The following GHR variants were observed in gnomAD, a reference collection of about 807,000 sequenced individuals.
The protein encoded by GHR is GH receptor.
In GHR, 35 loss-of-function variants were observed where a neutral mutation model predicts 67.1. The observed-to-expected ratio is 0.52, with a 90% CI of 0.40 to 0.69. The LOEUF (loss-of-function observed/expected upper bound fraction) is 0.69. GHR is among the 30% of genes least tolerant of loss of function. The pLI, the probability that GHR is intolerant of heterozygous loss-of-function variation, is 0.00. For missense variants in GHR, 792 were observed against 764.6 expected (o/e 1.04, Z -0.42); for synonymous variants, 272 against 269.1 (o/e 1.01, Z -0.10).
At chr5:42,584,963 T>C (rs1373722473) in intron 2 of GHR, among the ~76,000 whole-genome samples, 1 of 152,212 alleles carries the variant, frequency 6.6e-6, no homozygotes, top group Non-Finnish European at 1.5e-5. Flanking sequence ...GGATCTGGAT[T>C]CCAGTTCCCT....
intron 2 of GHR, among the ~76,000 whole-genome samples, chr5:42,591,253 C>A (rs1022814022): frequency 2.0e-5 from 3 of 152,174 alleles, no homozygotes; most frequent in African/African-American, 7.2e-5. Flanking sequence ...AGAAATGGGG[C>A]AGACGCTTTT....
chr5:42,480,324 G>A (rs1579786276), intron 1 of GHR, among the ~76,000 whole-genome samples: 2 of 152,156 alleles, frequency 1.3e-5, no homozygotes, highest in East Asian at 3.8e-4. Context: ...GTCAATTTTG[G>A]AATAGGTGTG....
In GHR at chr5:42,718,900, G is replaced by A. The variant is rs34283856; in HGVS notation, c.1393G>A (p.Glu465Lys). 6.2e-7 allele frequency: 1 copy of A among 1,614,134 alleles called. No homozygotes were observed. ...ACAACCACTTCCTACTGAAGGAGCT[G>A]AGTCAACTCACCAAGCTGCCCATAT... is the stretch of plus-strand genomic sequence containing the variant. ...KPQPLPTEGA[E>K]STHQAAHIQL... is the part of the protein sequence containing the mutation. Residue 465 changes from glutamate (E) to lysine (K), a missense_variant, in exon 10 of 10, where the codon GAG (glutamate) becomes AAG (lysine). Physicochemically the swap from Glu to Lys is moderately conservative, Grantham distance 56. Coordinates refer to ENST00000230882, the MANE Select transcript of GHR (RefSeq NM_000163.5).
chr5:42,469,092 T>C (rs1016809376), intron 1 of GHR, among the ~76,000 whole-genome samples: 2 of 152,230 alleles, frequency 1.3e-5, no homozygotes, highest in Non-Finnish European at 2.9e-5. Flanking sequence ...ATAATACTAT[T>C]GTAGAAAGAA....
At chr5:42,522,952 A>T (rs1057270104) in intron 1 of GHR, among the ~76,000 whole-genome samples, 1 of 152,204 alleles carries the variant, frequency 6.6e-6, no homozygotes, top group Non-Finnish European at 1.5e-5. Flanking sequence ...TCTTGCTTCA[A>T]AGTCTTAGAT....
intron 1 of GHR, among the ~76,000 whole-genome samples, chr5:42,473,936 C>T (rs1179260427): frequency 1.3e-5 from 2 of 151,176 alleles, no homozygotes; most frequent in East Asian, 2.0e-4. Context: ...GCCTGTAATC[C>T]TAGCACTTTG....
rs562264446 is a variant in GHR, at chr5:42,441,512, G to A, written c.-12+17557G>A. On this transcript the variant is annotated intron_variant, in intron 1 of 9. Transcript: ENST00000230882. The stretch of plus-strand genomic sequence containing the variant: ...AGAGGAGGAAATGGAGTTAAAGGAG[G>A]AGTTTTTTTTTTTTTGAGACGGAGT... Among the ~76,000 whole-genome samples, 245 of 144,472 alleles carry A rather than the reference G, an allele frequency of 1.7e-3. 2 individuals are homozygous for A. Among genetic ancestry groups the A allele is most frequent in the Non-Finnish European group, 1.4e-3 (90 of 65,354 alleles). 94.8% of individuals were successfully genotyped at this position (144,472 alleles called of 152,430 possible). A position where few individuals can be genotyped will look rare whatever the true frequency, so the allele number is the denominator to read the frequency against.
At chr5:42,684,830 C>G (rs2111622231) in intron 3 of GHR, among the ~76,000 whole-genome samples, 1 of 152,296 alleles carries the variant, frequency 6.6e-6, no homozygotes, top group East Asian at 1.9e-4. Flanking sequence ...GGGCTAAAGA[C>G]ATATTTGCAA....
intron 3 of GHR, among the ~76,000 whole-genome samples, chr5:42,681,587 A>T (rs538830545): frequency 4.4e-4 from 67 of 152,284 alleles, no homozygotes; most frequent in African/African-American, 1.5e-3. Context: ...ATACCATATG[A>T]CCCAGTGATC....
chr5:42,642,958 C>G (rs1331421275), intron 3 of GHR, among the ~76,000 whole-genome samples: 1 of 152,164 alleles, frequency 6.6e-6, no homozygotes, highest in Non-Finnish European at 1.5e-5. Flanking sequence ...TCCTTTCTGT[C>G]TCTTTTAAGG....
intron 3 of GHR, among the ~76,000 whole-genome samples, chr5:42,636,823 T>C (rs188795290): frequency 6.6e-6 from 1 of 152,282 alleles, no homozygotes. Context: ...AAATAGTAGT[T>C]CAAGTAATTG....
chr5:42,576,127 A>G (rs370464994), intron 2 of GHR, among the ~76,000 whole-genome samples: 3,915 of 101,662 alleles, frequency 0.039, 146 homozygotes, highest in African/African-American at 0.08. Flanking sequence ...ATAAAATAAA[A>G]TAAAATAAAA....
At chr5:42,457,919 T>A (rs758577498) in intron 1 of GHR, among the ~76,000 whole-genome samples, 34 of 152,220 alleles carry the variant, frequency 2.2e-4, no homozygotes, top group Non-Finnish European at 4.3e-4. Context: ...TGCCTCAGTT[T>A]CTTTGTTGGG....
At chr5:42,498,919 A>T (rs141294043) in intron 1 of GHR, among the ~76,000 whole-genome samples, 51 of 152,300 alleles carry the variant, frequency 3.3e-4, no homozygotes, top group African/African-American at 1.2e-3. Flanking sequence ...GAGAAAATTG[A>T]CAATCTCTGG....
rs199931024 is a variant in GHR at position 42,718,895 on chromosome 5, G to A, written c.1388G>A (p.Gly463Glu). The change falls in exon 10 of 10, where the codon GGA becomes GAA. Residue 463 changes from glycine to glutamate, a missense_variant. Physicochemically the swap from Gly to Glu is moderately conservative, Grantham distance 98. Transcript: ENST00000230882. ...AAACCACAACCACTTCCTACTGAAGGAGCTGAGTCAACTCACCAAGCTGCC... is the reference window on the plus strand; with the variant it reads ...AAACCACAACCACTTCCTACTGAAGAAGCTGAGTCAACTCACCAAGCTGCC... Reference protein sequence around the residue: ...KNKPQPLPTEGAESTHQAAHI... With the variant: ...KNKPQPLPTEEAESTHQAAHI... 9.5e-5 allele frequency: 153 copies of A among 1,613,906 alleles called. 1 individual carries two copies. The highest frequency in any genetic ancestry group is 2.7e-5 in the Non-Finnish European group (32 of 1,179,966).
rs3797304 is a variant in GHR at position 42,715,409 on chromosome 5, A to C, written c.875+1890A>C. On this transcript the variant is annotated intron_variant, in intron 8 of 9. Coordinates refer to ENST00000230882, the MANE Select transcript of GHR (RefSeq NM_000163.5). Reference sequence around the variant, plus strand: ...GGCGTCAGGTCCTACATGCCTTTGAAATTTTCTGAGTCCACAATTCATTAT... The same window carrying C: ...GGCGTCAGGTCCTACATGCCTTTGACATTTTCTGAGTCCACAATTCATTAT... Among the ~76,000 whole-genome samples, 84 of 152,258 alleles carry C rather than the reference A, an allele frequency of 5.5e-4. 1 individual carries two copies. The East Asian group carries it at 0.016, about 29-fold the overall frequency.
chr5:42,633,441 T>G (rs961204391), intron 3 of GHR, among the ~76,000 whole-genome samples: 1 of 152,238 alleles, frequency 6.6e-6, no homozygotes, highest in Non-Finnish European at 1.5e-5. Context: ...CAAACAATTG[T>G]GAGTTACATT....
intron 1 of GHR, among the ~76,000 whole-genome samples, chr5:42,507,918 A>T (rs560203238): frequency 6.6e-6 from 1 of 152,354 alleles, no homozygotes; most frequent in African/African-American, 2.4e-5. Context: ...CTGGAGAGTC[A>T]GCCCGCAGCA....
intron 2 of GHR, among the ~76,000 whole-genome samples, chr5:42,587,325 A>G (rs1396891214): frequency 6.6e-6 from 1 of 152,238 alleles, no homozygotes; most frequent in African/African-American, 2.4e-5. Flanking sequence ...CAAAGCAACC[A>G]TCTCAGAGGG....
Sources: gnomAD v4.1 joint callset for allele counts (sites outside exome capture counted in the v4.1 genomes callset) on GRCh38, gnomAD v4.1.1 for gene constraint, MANE v1.5 for transcripts, NCBI Gene and HGNC (gene_info 2026-07-23, HGNC 2026-07-21) for gene names.